The following SH3YL1 variants were observed in gnomAD, a reference collection of about 807,000 sequenced individuals.
SH3YL1 encodes the protein SH3 domain-containing YSC84-like protein 1.
In SH3YL1, 41 loss-of-function variants were observed where a neutral mutation model predicts 45.8. That is an observed-to-expected ratio of 0.89 (90% CI 0.70 to 1.16). The LOEUF (loss-of-function observed/expected upper bound fraction) is 1.16, where lower values mean the gene tolerates loss of function less well. SH3YL1 is among the 50% of genes most tolerant of loss of function. SH3YL1 has a pLI of 0.00. For synonymous variants in SH3YL1, 152 were observed against 151.4 expected (o/e 1.00, Z -0.03); for missense variants, 389 against 409.6 (o/e 0.95, Z 0.43).
chr2:257,369 T>C (rs748407188), intron 1 of SH3YL1, among the ~76,000 whole-genome samples: 2 of 152,224 alleles, frequency 1.3e-5, no homozygotes, highest in African/African-American at 2.4e-5. Flanking sequence ...CTTTAGGTTT[T>C]ACATTGTTAA....
intron 9 of SH3YL1, 132 bp downstream of exon 9, chr2:224,732 G>C: frequency 4.2e-6 from 3 of 709,134 alleles, no homozygotes; most frequent in Non-Finnish European, 7.4e-6. Flanking sequence ...CTTCTCAAAA[G>C]AATGTGAATA....
intron 4 of SH3YL1, chr2:240,213 G>T: frequency 6.6e-6 from 1 of 152,470 alleles, no homozygotes; most frequent in Non-Finnish European, 1.5e-5. Flanking sequence ...TTCACCTGTG[G>T]GGCAAAAGCT....
At chr2:230,780 G>A in intron 7 of SH3YL1, 2 of 478,648 alleles carry the variant, frequency 4.2e-6, no homozygotes, top group South Asian at 4.6e-5. Flanking sequence ...CATATTATTT[G>A]TATTATTGAT....
rs1343469328 is a variant in SH3YL1 at position 229,993 on chromosome 2, G to A, written c.754C>T (p.Pro252Ser). 1 of 1,612,716 alleles carries A rather than the reference G, an allele frequency of 6.2e-7. No individual in the cohort carries two copies. The highest frequency in any genetic ancestry group is 1.3e-5 in the African/African-American group (1 of 74,904). Residue 252 changes from proline (P) to serine (S), a missense_variant, in exon 8 of 10, where the codon CCA (proline) becomes TCA (serine). Physicochemically the swap from Pro to Ser is moderately conservative, Grantham distance 74. Coordinates refer to ENST00000356150, the MANE Select transcript of SH3YL1 (RefSeq NM_015677.4). The part of the protein sequence containing the change: ...PLSRPQQSSA[P>S]VQLNSGSQSN... Reference sequence around the variant, plus strand: ...TGAGAGCCAGAGTTCAGCTGGACTGGTGCAGATGACTGCTGTGGTCTTGAC... The same window carrying A: ...TGAGAGCCAGAGTTCAGCTGGACTGATGCAGATGACTGCTGTGGTCTTGAC...
chr2:247,456 G>C, intron 4 of SH3YL1, 82 bp downstream of exon 4: 2 of 1,136,114 alleles, frequency 1.8e-6, no homozygotes, highest in Non-Finnish European at 2.5e-6. Context: ...AGAACGCTAG[G>C]AAACCTCTCA....
At chr2:222,647 T>C (rs1667626442) in intron 9 of SH3YL1, 3 of 152,212 alleles carry the variant, frequency 2.0e-5, no homozygotes, top group Admixed American at 1.3e-4. Context: ...GATCAGAAAA[T>C]TGGACTGTGC....
At chr2:249,366 A>T (rs1354273710) in intron 3 of SH3YL1, among the ~76,000 whole-genome samples, 1 of 152,250 alleles carries the variant, frequency 6.6e-6, no homozygotes, top group Non-Finnish European at 1.5e-5. Flanking sequence ...CAATTTCCAT[A>T]AAACAAAAGA....
chr2:230,151 T>C (rs1443685650), intron 7 of SH3YL1, 107 bp from the exon 8 acceptor site: 10 of 723,628 alleles, frequency 1.4e-5, no homozygotes, highest in Non-Finnish European at 2.0e-5. Flanking sequence ...TTATCATGTG[T>C]GCTTATTAAT....
At chr2:242,832 T>G in intron 4 of SH3YL1, 1 of 1,525,356 alleles carries the variant, frequency 6.6e-7, no homozygotes, top group Non-Finnish European at 8.8e-7. Context: ...GAGAAAGATG[T>G]GTCATGCAGA....
At position 224,727 on chromosome 2, in the gene SH3YL1, C is replaced by CA. The variant is rs1184043533; in HGVS notation, c.838+136dup. 38 of 696,168 alleles carry CA rather than the reference C, an allele frequency of 5.5e-5. 1 individual carries two copies. The East Asian group carries it at 9.6e-4, about 17-fold the overall frequency. The allele number at this position is 696,168 out of a possible 1,614,324, so 43.1% of individuals were successfully genotyped here. ...AGCATTTTCTAAATGAAGTACTTCT[C>CA]AAAAGAATGTGAATATTCTATAAAT... On this transcript the variant is annotated intron_variant, in intron 9 of 9. Coordinates refer to ENST00000356150, the MANE Select transcript of SH3YL1 (RefSeq NM_015677.4).
chr2:248,057 T>C (rs1668912387), intron 3 of SH3YL1, among the ~76,000 whole-genome samples: 1 of 152,202 alleles, frequency 6.6e-6, no homozygotes, highest in South Asian at 2.1e-4. Context: ...CCATTGTAAA[T>C]TTCTGAGGGC....
intron 3 of SH3YL1, among the ~76,000 whole-genome samples, chr2:249,067 C>T (rs1049008980): frequency 6.6e-6 from 1 of 152,252 alleles, no homozygotes; most frequent in South Asian, 2.1e-4. Flanking sequence ...AATAGAAAAA[C>T]GTGTTCACTG....
At chr2:261,765 G>A (rs1180581359) in intron 1 of SH3YL1, among the ~76,000 whole-genome samples, 3 of 152,166 alleles carry the variant, frequency 2.0e-5, no homozygotes, top group Non-Finnish European at 4.4e-5. Flanking sequence ...AGGAATGAAA[G>A]CAAGAAGACC....
At chr2:225,019 T>A in intron 8 of SH3YL1, 99 bp from the exon 9 acceptor site, 1 of 855,856 alleles carries the variant, frequency 1.2e-6, no homozygotes, top group South Asian at 1.4e-5. Flanking sequence ...GAGCAAATAT[T>A]TTAAATCACT....
chr2:223,694 T>C (rs1165914300), intron 9 of SH3YL1, among the ~76,000 whole-genome samples: 1 of 152,228 alleles, frequency 6.6e-6, no homozygotes, highest in Non-Finnish European at 1.5e-5. Flanking sequence ...GCCTGTAACA[T>C]GGGTGTGAAC....
At chr2:263,637 T>G (rs1430015705) in intron 1 of SH3YL1, 1 of 270,144 alleles carries the variant, frequency 3.7e-6, no homozygotes. Flanking sequence ...GCGCGCGCAT[T>G]CGACCCAAAC....
In SH3YL1 at chr2:249,763, C is replaced by T; in HGVS notation, c.194G>A (p.Ser65Asn). Residue 65 changes from serine (S) to asparagine (N), a missense_variant, in exon 3 of 10, where the codon AGC becomes AAC. Ser to Asn is a conservative substitution (Grantham distance 46). Coordinates refer to ENST00000356150, the MANE Select transcript of SH3YL1 (RefSeq NM_015677.4). Reference protein sequence around the residue: ...AGFLVTARGGSGIVVARLPDG... With the variant: ...AGFLVTARGGNGIVVARLPDG... ...TGGAAGGCGCGCCACTACAATCCCG[C>T]TGCCTCCTCTGGCAGTCACCAGGAA... 1.3e-6 allele frequency: 2 copies of T among 1,551,864 alleles called. No individual in the cohort carries two copies. The highest frequency in any genetic ancestry group is 8.7e-7 in the Non-Finnish European group (1 of 1,147,004).
chr2:224,267 A>G (rs1456336478), intron 9 of SH3YL1, among the ~76,000 whole-genome samples: 2 of 152,242 alleles, frequency 1.3e-5, no homozygotes, highest in African/African-American at 4.8e-5. Flanking sequence ...AGACAGATTG[A>G]AGGACCATTT....
At chr2:249,891 G>C in intron 2 of SH3YL1, 47 bp from the exon 3 acceptor site, 1 of 1,298,334 alleles carries the variant, frequency 7.7e-7, no homozygotes, top group Non-Finnish European at 1.1e-6. Flanking sequence ...TGATCTATGT[G>C]CCTGGATAGA....
Sources: gnomAD v4.1 joint callset for allele counts (sites outside exome capture counted in the v4.1 genomes callset) on GRCh38, gnomAD v4.1.1 for gene constraint, MANE v1.5 for transcripts, NCBI Gene and HGNC (gene_info 2026-07-23, HGNC 2026-07-21) for gene names.